Variants in MBTPS1 observed in about 807,000 individuals in gnomAD.
MBTPS1 encodes the protein membrane bound transcription factor peptidase, site 1.
MBTPS1 carries 94 observed loss-of-function variants against 127.8 expected under a neutral mutation model. The observed-to-expected ratio is 0.74, with a 90% CI of 0.62 to 0.87. The LOEUF (loss-of-function observed/expected upper bound fraction) is 0.87, where lower values mean the gene tolerates loss of function less well. Ranked by LOEUF, MBTPS1 falls within the 40% of genes least tolerant of loss-of-function variation. MBTPS1 has a pLI of 0.00. For missense variants in MBTPS1, 1,636 were observed against 1,353.2 expected, an observed-to-expected ratio of 1.21 and a Z score of -3.28; for synonymous variants, 632 against 509.4, an observed-to-expected ratio of 1.24 and a Z score of -3.24.
chr16:84,094,847 G>C (rs2151164689), intron 4 of MBTPS1, among the ~76,000 whole-genome samples: 1 of 152,274 alleles, frequency 6.6e-6, no homozygotes, highest in Non-Finnish European at 1.5e-5. Context: ...CAGATATTTT[G>C]GAGGGCAGGG....
rs2085516391 is a variant in MBTPS1, at chr16:84,056,019, C to T, written c.2948G>A (p.Trp983Ter). Reference protein sequence around the residue: ...RPLSPGESGAWDIPGGIMPGR... With the variant: ...RPLSPGESGA ...CGAGAACTCACCTCCAGGAATGTCC[C>T]AGGCGCCGCTCTCTCCAGGGGACAA... Residue 983 changes from tryptophan (W) to a stop codon, truncating the protein, a stop_gained, in exon 22 of 23, where the codon TGG becomes TAG. Coordinates refer to ENST00000343411, the MANE Select transcript of MBTPS1 (RefSeq NM_003791.4). LOFTEE classifies it high-confidence loss of function. The T allele has an allele frequency of 6.2e-7, 1 of 1,612,882 alleles. No homozygotes were observed. The highest frequency in any genetic ancestry group is 8.5e-7 in the Non-Finnish European group (1 of 1,179,452).
Position 84,080,670 on chromosome 16 carries a change from C to T in MBTPS1, c.1448+1077G>A, listed in dbSNP as rs540925124. ...AGGGCAGGCCCATTCTGGGGGGACA[C>T]AGGACTCCTCCAACAGGCAATCTGG... is the stretch of plus-strand genomic sequence containing the variant. On this transcript the variant is annotated intron_variant, in intron 11 of 22. Coordinates refer to ENST00000343411, the MANE Select transcript of MBTPS1 (RefSeq NM_003791.4). Among the ~76,000 whole-genome samples the T allele has an allele frequency of 3.9e-5, 6 of 152,382 alleles. 1 individual carries two copies. In the South Asian group the frequency reaches 8.3e-4, roughly 21 times the overall value.
chr16:84,066,432 G>T (rs2085683669), intron 17 of MBTPS1, 57 bp downstream of exon 17: 1 of 1,582,884 alleles, frequency 6.3e-7, no homozygotes, highest in Non-Finnish European at 8.6e-7. Context: ...AGACTTCAGA[G>T]GTGTAGAGCT....
chr16:84,064,744 T>C (rs1409256411), intron 18 of MBTPS1, among the ~76,000 whole-genome samples: 3 of 152,232 alleles, frequency 2.0e-5, no homozygotes, highest in African/African-American at 4.8e-5. Context: ...AAACAATCAT[T>C]ATGTGCCTAA....
Position 84,087,256 on chromosome 16 carries a change from C to T in MBTPS1, c.1134+102G>A, listed in dbSNP as rs867075575. The T allele has an allele frequency of 3.6e-6, 3 of 833,606 alleles. No individual in the cohort carries two copies. In the African/African-American group the frequency reaches 5.0e-5, roughly 14 times the overall value. 51.6% of individuals were successfully genotyped at this position (833,606 alleles called of 1,614,324 possible). On this transcript the variant is annotated intron_variant, in intron 9 of 22. Transcript: ENST00000343411. Reference sequence around the variant, plus strand: ...TATTCCCATGTGAATGTGAGGGTGTCTGTGCACTTACAAATACACCCCAAG... The same window carrying T: ...TATTCCCATGTGAATGTGAGGGTGTTTGTGCACTTACAAATACACCCCAAG...
intron 22 of MBTPS1, 43 bp downstream of exon 22, chr16:84,055,962 T>A: frequency 1.3e-6 from 2 of 1,590,638 alleles, no homozygotes; most frequent in Non-Finnish European, 1.7e-6. Flanking sequence ...TTGAACAAAA[T>A]ACAGGATGAC....
At chr16:84,098,443 T>C (rs1035957568) in intron 3 of MBTPS1, among the ~76,000 whole-genome samples, 2 of 151,976 alleles carry the variant, frequency 1.3e-5, no homozygotes, top group Non-Finnish European at 2.9e-5. Flanking sequence ...AAACCCTGTC[T>C]CTACTAAAAA....
intron 11 of MBTPS1, among the ~76,000 whole-genome samples, chr16:84,077,390 A>G (rs1215502855): frequency 6.6e-6 from 1 of 152,196 alleles, no homozygotes; most frequent in Non-Finnish European, 1.5e-5. Flanking sequence ...GTACCAGTAC[A>G]TGGACAGACA....
intron 1 of MBTPS1, among the ~76,000 whole-genome samples, chr16:84,108,491 T>A (rs2086355891): frequency 6.6e-6 from 1 of 152,240 alleles, no homozygotes; most frequent in Non-Finnish European, 1.5e-5. Flanking sequence ...CTCGAACTCC[T>A]GACCTCAGGT....
At chr16:84,097,125 T>C (rs916522754) in intron 3 of MBTPS1, among the ~76,000 whole-genome samples, 2 of 152,120 alleles carry the variant, frequency 1.3e-5, no homozygotes, top group African/African-American at 4.8e-5. Flanking sequence ...CTTCACCACA[T>C]CTTTAACTAC....
chr16:84,114,112 A>C (rs918713136), intron 1 of MBTPS1, among the ~76,000 whole-genome samples: 13 of 146,068 alleles, frequency 8.9e-5, no homozygotes, highest in African/African-American at 3.0e-4. Flanking sequence ...CTACAGGCGC[A>C]TGCCACCACG....
chr16:84,108,770 C>A (rs189852682), intron 1 of MBTPS1, among the ~76,000 whole-genome samples: 1 of 152,162 alleles, frequency 6.6e-6, no homozygotes, highest in South Asian at 2.1e-4. Flanking sequence ...GTGAAGAAGG[C>A]ACCAGGCAGG....
At chr16:84,078,737 C>A (rs1207613287) in intron 11 of MBTPS1, among the ~76,000 whole-genome samples, 4 of 152,144 alleles carry the variant, frequency 2.6e-5, no homozygotes, top group African/African-American at 9.7e-5. Flanking sequence ...TACGCACTGA[C>A]GTGGAGAGAT....
At chr16:84,064,419 G>T (rs891830935) in intron 18 of MBTPS1, among the ~76,000 whole-genome samples, 8 of 152,018 alleles carry the variant, frequency 5.3e-5, no homozygotes, top group African/African-American at 1.9e-4. Flanking sequence ...TTCTGATCAG[G>T]CATAACCCAA....
At chr16:84,095,478 G>T in intron 4 of MBTPS1, 124 bp downstream of exon 4, 1 of 989,392 alleles carries the variant, frequency 1.0e-6, no homozygotes, top group Non-Finnish European at 1.5e-6. Flanking sequence ...GAAGGCTGCA[G>T]GGCTTTAGCA....
chr16:84,061,859 C>T (rs1186705338), intron 19 of MBTPS1, among the ~76,000 whole-genome samples: 1 of 152,152 alleles, frequency 6.6e-6, no homozygotes, highest in Admixed American at 6.5e-5. Context: ...TTAACATCAA[C>T]CTGGACTAGA....
chr16:84,068,785 T>G (rs528067873), intron 14 of MBTPS1, among the ~76,000 whole-genome samples: 1 of 152,384 alleles, frequency 6.6e-6, no homozygotes, highest in East Asian at 1.9e-4. Flanking sequence ...CATCTGTGTC[T>G]GACAGAAGAG....
intron 7 of MBTPS1, 99 bp from the exon 8 acceptor site, chr16:84,091,041 C>T (rs1168995583): frequency 1.1e-6 from 1 of 928,140 alleles, no homozygotes; most frequent in Non-Finnish European, 1.7e-6. Context: ...AAAAACAGTT[C>T]TAAAAAAGCA....
chr16:84,112,750 A>G (rs1422463743), intron 1 of MBTPS1, among the ~76,000 whole-genome samples: 2 of 151,724 alleles, frequency 1.3e-5, no homozygotes, highest in South Asian at 2.1e-4. Context: ...CGAGACGGGC[A>G]GATCACCCGA....
Sources: allele counts gnomAD v4.1 joint callset (sites outside exome capture counted in the v4.1 genomes callset), GRCh38; gene constraint gnomAD v4.1.1; transcripts MANE v1.5; gene names NCBI Gene and HGNC (gene_info 2026-07-23, HGNC 2026-07-21).